Variants in CACFD1 observed in about 807,000 individuals in gnomAD.
CACFD1 encodes calcium channel flower homolog.
In CACFD1, 26 loss-of-function variants were observed where a neutral mutation model predicts 21.3. The observed-to-expected ratio is 1.22, with a 90% CI of 0.89 to 1.69. CACFD1 has a LOEUF of 1.69. Ranked by LOEUF, CACFD1 falls within the 40% of genes most tolerant of loss-of-function variation. The probability of loss-of-function intolerance (pLI) is 0.00; values close to 1 mark genes in which losing one functional copy is unlikely to be tolerated. For synonymous variants in CACFD1, 121 were observed against 106.6 expected (o/e 1.13, Z -0.83); for missense variants, 265 against 236.2 (o/e 1.12, Z -0.80).
rs372403761 is a variant in CACFD1 at position 133,468,628 on chromosome 9, C to T, written c.494C>T (p.Ala165Val). The T allele has an allele frequency of 5.9e-5, 93 of 1,585,300 alleles. 1 individual carries two copies. The highest frequency in any genetic ancestry group is 6.8e-5 in the East Asian group (3 of 44,000). ...QRQQADEEKLAETLEGEL is the reference protein window; with the variant it reads ...QRQQADEEKLVETLEGEL ...CAGCAGGCGGATGAGGAGAAGCTCG[C>T]GGAGACCCTGGAGGGGGAGCTGTGA... Residue 165 changes from alanine (A) to valine (V), a missense_variant, in exon 5 of 5, where the codon GCG becomes GTG. Coordinates refer to ENST00000316948, the MANE Select transcript of CACFD1 (RefSeq NM_017586.5).
Position 133,460,019 on chromosome 9 carries a change from C to CT in CACFD1, c.-47dup, listed in dbSNP as rs1843059938. On this transcript the variant is annotated 5_prime_UTR_variant, in exon 1 of 5. Transcript: ENST00000316948. Reference sequence around the variant, plus strand: ...AGCGCGCCGGCTCGGACGCGGCCGGCTACCGAGCCCTTTGTGAGGGCTGTG... The same window carrying CT: ...AGCGCGCCGGCTCGGACGCGGCCGGCTTACCGAGCCCTTTGTGAGGGCTGTG... 1 of 1,488,080 alleles carries CT rather than the reference C, an allele frequency of 6.7e-7. No individual in the cohort carries two copies. Among genetic ancestry groups the CT allele is most frequent in the African/African-American group, 1.5e-5 (1 of 68,674 alleles). The allele number at this position is 1,488,080 out of a possible 1,614,324, so 92.2% of individuals were successfully genotyped here.
Position 133,460,169 on chromosome 9 carries a change from G to T in CACFD1, c.103G>T (p.Gly35Trp). 1 of 1,555,450 alleles carries T rather than the reference G, an allele frequency of 6.4e-7. No homozygotes were observed. The highest frequency in any genetic ancestry group is 8.7e-7 in the Non-Finnish European group (1 of 1,150,092). Residue 35 changes from glycine (G) to tryptophan (W), a missense_variant, in exon 1 of 5, where the codon GGG (glycine) becomes TGG (tryptophan). By Grantham distance (184) the Gly-to-Trp change is radical (BLOSUM62 -2). Transcript: ENST00000316948. ...GTACCGCTGGCTGTGTCGCCTGTCT[G>T]GGGTGCTGGGGGCAGTCTGTGAGTA... is the stretch of plus-strand genomic sequence containing the variant. ...WWYRWLCRLS[G>W]VLGAVSCAIS...
chr9:133,460,497 C>CGGGGGCGGGGG (rs1554798223), intron 1 of CACFD1, among the ~76,000 whole-genome samples: 4 of 148,146 alleles, frequency 2.7e-5, no homozygotes, highest in Non-Finnish European at 3.0e-5. Flanking sequence ...GGGGCACCGG[C>CGGGGGCGGGGG]CTGGGGCACG....
chr9:133,467,860 C>A, intron 3 of CACFD1, 61 bp from the exon 4 acceptor site: 1 of 1,230,408 alleles, frequency 8.1e-7, no homozygotes, highest in Non-Finnish European at 1.2e-6. Flanking sequence ...GTCTGGGAAG[C>A]GGGGAAGGAT....
At chr9:133,462,215 G>A in intron 1 of CACFD1, 2 of 1,304,324 alleles carry the variant, frequency 1.5e-6, no homozygotes, top group Non-Finnish European at 2.0e-6. Context: ...CAGCCGAGCT[G>A]TCAGGTGAGG....
intron 1 of CACFD1, chr9:133,462,030 A>T: frequency 3.1e-6 from 4 of 1,272,636 alleles, no homozygotes; most frequent in Non-Finnish European, 4.1e-6. Context: ...CACGTGGAAG[A>T]TATCAGCATT....
chr9:133,467,522 GC>G (rs1424498344), intron 3 of CACFD1, among the ~76,000 whole-genome samples: 1 of 152,234 alleles, frequency 6.6e-6, no homozygotes, highest in African/African-American at 2.4e-5. Flanking sequence ...CCTCGGACAA[GC>G]TTTGATCCCC....
intron 1 of CACFD1, chr9:133,461,977 T>G (rs1588223654): frequency 1.0e-6 from 1 of 985,186 alleles, no homozygotes; most frequent in Non-Finnish European, 1.2e-6. Flanking sequence ...CATCTGGAGG[T>G]GATACCTTGG....
At position 133,460,032 on chromosome 9, in the gene CACFD1, T is replaced by C; in HGVS notation, c.-35T>C. 1.3e-6 allele frequency: 2 copies of C among 1,521,308 alleles called. No homozygotes were observed. Among genetic ancestry groups the C allele is most frequent in the East Asian group, 2.6e-5 (1 of 38,572 alleles). 94.2% of individuals were successfully genotyped at this position (1,521,308 alleles called of 1,614,324 possible). On this transcript the variant is annotated 5_prime_UTR_variant, in exon 1 of 5. Transcript: ENST00000316948. ...GGACGCGGCCGGCTACCGAGCCCTTTGTGAGGGCTGTGAGCTGCGCCTGAC... is the reference window on the plus strand; with the variant it reads ...GGACGCGGCCGGCTACCGAGCCCTTCGTGAGGGCTGTGAGCTGCGCCTGAC...
rs907254543 is a variant in CACFD1 at position 133,469,610 on chromosome 9, G to A, written c.*957G>A. 1 of 152,540 alleles carries A rather than the reference G, an allele frequency of 6.6e-6. No homozygotes were observed. The highest frequency in any genetic ancestry group is 1.5e-5 in the Non-Finnish European group (1 of 68,170). 9.4% of individuals were successfully genotyped at this position (152,540 alleles called of 1,614,324 possible). A position where few individuals can be genotyped will look rare whatever the true frequency, so the allele number is the denominator to read the frequency against. ...CACAGAGCTGTCCCCACTGCCCTGGGTGCCAGGCTGTCCGGAGCCAGGCCT... is the reference window on the plus strand; with the variant it reads ...CACAGAGCTGTCCCCACTGCCCTGGATGCCAGGCTGTCCGGAGCCAGGCCT... On this transcript the variant is annotated 3_prime_UTR_variant, in exon 5 of 5. Transcript: ENST00000316948.
In CACFD1 at chr9:133,470,723, C is replaced by G. The variant is rs1306925750; in HGVS notation, c.*2070C>G. On this transcript the variant is annotated 3_prime_UTR_variant, in exon 5 of 5. Transcript: ENST00000316948. ...TCCTCCTTGTTTGTTCCTCTGTGTTCTGTGTGCGTCTTAAGCAATAAAGCG... is the reference window on the plus strand; with the variant it reads ...TCCTCCTTGTTTGTTCCTCTGTGTTGTGTGTGCGTCTTAAGCAATAAAGCG... 1.3e-5 allele frequency: 2 copies of G among 152,620 alleles called. No homozygotes were observed. The highest frequency in any genetic ancestry group is 2.9e-5 in the Non-Finnish European group (2 of 68,338). The allele number at this position is 152,620 out of a possible 1,614,324, so 9.5% of individuals were successfully genotyped here. A position where few individuals can be genotyped will look rare whatever the true frequency, so the allele number is the denominator to read the frequency against.
chr9:133,464,981 G>A (rs1028387693), intron 2 of CACFD1: 5 of 224,670 alleles, frequency 2.2e-5, no homozygotes, highest in Non-Finnish European at 3.6e-5. Context: ...TGAACCTGCC[G>A]CAGCGTTGTA....
rs1442117657 is a variant in CACFD1 at position 133,465,455 on chromosome 9, GT to G, written c.320+10del. The G allele has an allele frequency of 1.9e-6, 3 of 1,603,520 alleles. No individual in the cohort carries two copies. In the African/African-American group the frequency reaches 4.0e-5, roughly 21 times the overall value. On this transcript the variant is annotated intron_variant, in intron 3 of 4. Coordinates refer to ENST00000316948, the MANE Select transcript of CACFD1 (RefSeq NM_017586.5). This position sits in a 1 kb window ranked among gnomAD's most constrained non-coding sequence, Gnocchi z 5.0. The stretch of plus-strand genomic sequence containing the variant: ...GGCTGTCTTCTACTGCGGGTGAGGG[GT>G]TGCTGGGCAGGGTCCCGTGACACAG...
At position 133,468,804 on chromosome 9, in the gene CACFD1, C is replaced by G. The variant is rs1207805634; in HGVS notation, c.*151C>G. The G allele has an allele frequency of 9.6e-6, 13 of 1,360,392 alleles. No individual in the cohort carries two copies. The highest frequency in any genetic ancestry group is 1.3e-5 in the Non-Finnish European group (13 of 1,033,362). The allele number at this position is 1,360,392 out of a possible 1,614,324, so 84.3% of individuals were successfully genotyped here. A position where few individuals can be genotyped will look rare whatever the true frequency, so the allele number is the denominator to read the frequency against. On this transcript the variant is annotated 3_prime_UTR_variant, in exon 5 of 5. Transcript: ENST00000316948. ...TCCTCTGCTCCTTTCTCCAGACTGG[C>G]TTAAGCCAGGAGCCACTGGCTGCTG...
At chr9:133,461,361 C>T (rs1341275656) in intron 1 of CACFD1, among the ~76,000 whole-genome samples, 1 of 152,226 alleles carries the variant, frequency 6.6e-6, no homozygotes, top group East Asian at 1.9e-4. Flanking sequence ...GCAGGCCCTA[C>T]CCCCAAATCA....
At chr9:133,468,094 G>T in intron 4 of CACFD1, 66 bp downstream of exon 4, 1 of 1,368,460 alleles carries the variant, frequency 7.3e-7, no homozygotes, top group Admixed American at 1.8e-5. Context: ...GTCCTTCAGT[G>T]AGGAGGATCT....
At position 133,465,066 on chromosome 9, in the gene CACFD1, G is replaced by T. The variant is rs1425585879; in HGVS notation, c.195-256G>T. The T allele has an allele frequency of 6.6e-5, 32 of 483,974 alleles. No individual in the cohort carries two copies. The Admixed American group carries it at 1.2e-3, about 18-fold the overall frequency. 30.0% of individuals were successfully genotyped at this position (483,974 alleles called of 1,614,324 possible). A position where few individuals can be genotyped will look rare whatever the true frequency, so the allele number is the denominator to read the frequency against. ...GATAAAGGGAAGCAGAAGCCCAGGG[G>T]CTTCCCTCTAGGAGTGTTCAGTTCA... On this transcript the variant is annotated intron_variant, in intron 2 of 4. Transcript: ENST00000316948. The surrounding 1 kb of genome is among the most constrained non-coding windows in gnomAD (Gnocchi z 5.0).
chr9:133,468,582 GC>G lies in CACFD1; in HGVS notation c.450del (p.Arg151GlyfsTer42). On this transcript the variant is annotated frameshift_variant, in exon 5 of 5. Transcript: ENST00000316948. LOFTEE classifies it high-confidence loss of function. ...LGKKGDAISY[A>X]RIQQQRQQAD... ...CCCCAGGGGCGATGCGATCTCCTAT[GC>G]CAGGATCCAGCAGCAGAGGCAGCAG... 6.3e-7 allele frequency: 1 copy of G among 1,587,552 alleles called. No homozygotes were observed. Among genetic ancestry groups the G allele is most frequent in the Non-Finnish European group, 8.6e-7 (1 of 1,169,010 alleles).
chr9:133,465,849 G>T lies in CACFD1; in HGVS notation c.320+402G>T, dbSNP rs1843415231. 6.0e-6 allele frequency: 1 copy of T among 165,398 alleles called. No homozygotes were observed. Among genetic ancestry groups the T allele is most frequent in the Non-Finnish European group, 1.3e-5 (1 of 76,140 alleles). The allele number at this position is 165,398 out of a possible 1,614,324, so 10.2% of individuals were successfully genotyped here. On this transcript the variant is annotated intron_variant, in intron 3 of 4. Transcript: ENST00000316948. The surrounding 1 kb of genome is among the most constrained non-coding windows in gnomAD (Gnocchi z 5.0). ...TTCATCTAGATGTCCTGACGTGAAG[G>T]GGGAGAAGCAGGTTGCAGAGCAGAA...
Sources: allele counts gnomAD v4.1 joint callset (sites outside exome capture counted in the v4.1 genomes callset), GRCh38; gene constraint gnomAD v4.1.1; non-coding constraint Gnocchi (gnomAD v3.1); transcripts MANE v1.5; gene names NCBI Gene and HGNC (gene_info 2026-07-23, HGNC 2026-07-21).